IPO8: variants seen among roughly 807,000 people sequenced by gnomAD.
IPO8 encodes importin 8, also known as importin-8.
A neutral mutation model predicts 141.2 loss-of-function variants in IPO8; 65 were observed. The observed-to-expected ratio is 0.46, with a 90% CI of 0.38 to 0.57. The LOEUF (loss-of-function observed/expected upper bound fraction) is 0.57, where lower values mean the gene tolerates loss of function less well. IPO8 is among the 20% of genes least tolerant of loss of function. The probability of loss-of-function intolerance (pLI) is 0.00; values close to 1 mark genes in which losing one functional copy is unlikely to be tolerated. For missense variants in IPO8, 980 were observed against 1,246.8 expected (o/e 0.79, Z 3.22); for synonymous variants, 411 against 420.3 (o/e 0.98, Z 0.27).
intron 5 of IPO8, among the ~76,000 whole-genome samples, chr12:30,679,592 A>T (rs1046553093): frequency 6.6e-6 from 1 of 152,264 alleles, no homozygotes; most frequent in South Asian, 2.1e-4. Flanking sequence ...GGGGGAAAAA[A>T]AAAAATATCT....
At chr12:30,633,898 G>A (rs563115901) in intron 23 of IPO8, among the ~76,000 whole-genome samples, 185 bp downstream of exon 23, 1 of 152,206 alleles carries the variant, frequency 6.6e-6, no homozygotes, top group African/African-American at 2.4e-5. Context: ...TTGGGTGATA[G>A]GTGTTTCATT....
In IPO8 at chr12:30,665,798, C is replaced by T. The variant is rs137868610; in HGVS notation, c.1269G>A (p.Pro423=). The change falls in exon 12 of 25, where the codon CCG becomes CCA. Residue 423 remains proline, a synonymous_variant. Transcript: ENST00000256079. ...CATCTTTCTTCCTAGGGTCAAAGTTCGGGTCTGTCAGGATTTGATAACAGA... is the reference window on the plus strand; with the variant it reads ...CATCTTTCTTCCTAGGGTCAAAGTTTGGGTCTGTCAGGATTTGATAACAGA... ...MAFCYQILTD[P]NFDPRKKDGA... 5.9e-5 allele frequency: 95 copies of T among 1,613,712 alleles called. No homozygotes were observed. The African/African-American group carries it at 1.2e-3, about 20-fold the overall frequency.
intron 16 of IPO8, among the ~76,000 whole-genome samples, chr12:30,658,951 G>C (rs1321608147): frequency 6.8e-6 from 1 of 146,268 alleles, no homozygotes; most frequent in East Asian, 2.0e-4. Flanking sequence ...CATGATCTCG[G>C]CTCATTGCGA....
At chr12:30,642,901 T>C (rs898443617) in intron 20 of IPO8, among the ~76,000 whole-genome samples, 2 of 152,078 alleles carry the variant, frequency 1.3e-5, no homozygotes, top group African/African-American at 4.8e-5. Flanking sequence ...AAACTATGTA[T>C]ACTTAAAATA....
At chr12:30,690,466 A>G (rs757811086) in intron 2 of IPO8, 30 bp downstream of exon 2, 1 of 1,247,602 alleles carries the variant, frequency 8.0e-7, no homozygotes. Context: ...ACCTATAAAT[A>G]AATTTATAAA....
chr12:30,693,637 TCATAAG>T (rs2053311403), intron 1 of IPO8, among the ~76,000 whole-genome samples: 1 of 152,252 alleles, frequency 6.6e-6, no homozygotes, highest in African/African-American at 2.4e-5. Flanking sequence ...AAACCCATCA[TCATAAG>T]CATGTTTTAC....
chr12:30,631,336 A>T (rs1383926251), intron 24 of IPO8, among the ~76,000 whole-genome samples: 1 of 152,212 alleles, frequency 6.6e-6, no homozygotes, highest in Non-Finnish European at 1.5e-5. Flanking sequence ...CTAGATGTCT[A>T]GTTTGCCATG....
At chr12:30,683,704 C>T (rs1013705737) in intron 3 of IPO8, among the ~76,000 whole-genome samples, 3 of 152,152 alleles carry the variant, frequency 2.0e-5, no homozygotes, top group Admixed American at 2.0e-4. Flanking sequence ...GTCATTGATG[C>T]CTTGTGGCTA....
chr12:30,654,039 A>C (rs2052763148), intron 17 of IPO8, among the ~76,000 whole-genome samples: 1 of 152,102 alleles, frequency 6.6e-6, no homozygotes, highest in Admixed American at 6.6e-5. Context: ...AAAGCCCAAA[A>C]GTAAATCTAC....
chr12:30,683,227 T>C (rs925057934), intron 3 of IPO8, among the ~76,000 whole-genome samples: 6 of 152,222 alleles, frequency 3.9e-5, no homozygotes, highest in Non-Finnish European at 5.9e-5. Context: ...ATCAGTCCCA[T>C]GACTGGCATT....
At chr12:30,663,382 C>A in intron 14 of IPO8, 107 bp downstream of exon 14, 3 of 933,668 alleles carry the variant, frequency 3.2e-6, no homozygotes, top group Non-Finnish European at 4.7e-6. Context: ...AGGGCAAAAC[C>A]TCAGAATTCC....
rs182716814 is a variant in IPO8, at chr12:30,685,098, C to T, written c.167-641G>A. ...AAGGCTTCTGAAAGAAACAGGCTGA[C>T]ATATTGCTACAGCATTTTAAGAAAG... On this transcript the variant is annotated intron_variant, in intron 2 of 24. Coordinates refer to ENST00000256079, the MANE Select transcript of IPO8 (RefSeq NM_006390.4). Among the ~76,000 whole-genome samples, 3 of 151,614 alleles carry T rather than the reference C, an allele frequency of 2.0e-5. No individual in the cohort carries two copies. In the East Asian group the frequency reaches 5.8e-4, roughly 29 times the overall value.
intron 21 of IPO8, among the ~76,000 whole-genome samples, chr12:30,639,038 G>A (rs2052542240): frequency 6.6e-6 from 1 of 152,242 alleles, no homozygotes; most frequent in South Asian, 2.1e-4. Context: ...TACTGGGGCA[G>A]CACCTGGGCT....
intron 8 of IPO8, 46 bp downstream of exon 8, chr12:30,673,944 T>C: frequency 8.5e-7 from 1 of 1,180,196 alleles, no homozygotes; most frequent in Non-Finnish European, 1.2e-6. Context: ...ATGCCTTTAC[T>C]TTCAGTAGTA....
rs1366801840 is a variant in IPO8 at position 30,634,211 on chromosome 12, T to C, written c.2771A>G (p.Asp924Gly). 4.3e-6 allele frequency: 7 copies of C among 1,613,868 alleles called. No homozygotes were observed. Among genetic ancestry groups the C allele is most frequent in the South Asian group, 2.2e-5 (2 of 91,074 alleles). The change falls in exon 23 of 25, where the codon GAT (aspartate) becomes GGT (glycine). Residue 924 changes from aspartate (D) to glycine (G), a missense_variant. Transcript: ENST00000256079. ...CCAGTCATCATCTTCCTCCTCCTCATCTTCACCTCTTCCATTATTTGACTG... is the reference window on the plus strand; with the variant it reads ...CCAGTCATCATCTTCCTCCTCCTCACCTTCACCTCTTCCATTATTTGACTG... The part of the protein sequence containing the change: ...AMQSNNGRGE[D>G]EEEEDDDWDE...
At chr12:30,644,782 A>G in intron 20 of IPO8, among the ~76,000 whole-genome samples, 1 of 151,390 alleles carries the variant, frequency 6.6e-6, no homozygotes, top group Admixed American at 6.6e-5. Context: ...CCTCCCAAGT[A>G]GCTGGGATTA....
At chr12:30,636,662 A>G (rs1259197180) in intron 22 of IPO8, among the ~76,000 whole-genome samples, 1 of 152,192 alleles carries the variant, frequency 6.6e-6, no homozygotes, top group Admixed American at 6.5e-5. Context: ...AGCACAAACA[A>G]GAAAGTTAGA....
chr12:30,634,199 T>C lies in IPO8; in HGVS notation c.2783A>G (p.Glu928Gly). The change falls in exon 23 of 25, where the codon GAA becomes GGA. Residue 928 changes from glutamate (E) to glycine (G), a missense_variant. Physicochemically the swap from Glu to Gly is moderately conservative, Grantham distance 98 (BLOSUM62 -2). Coordinates refer to ENST00000256079, the MANE Select transcript of IPO8 (RefSeq NM_006390.4). ...NNGRGEDEEE[E>G]DDDWDEEVLE... ...TACTTCTTCATCCCAGTCATCATCT[T>C]CCTCCTCCTCATCTTCACCTCTTCC... 1.9e-6 allele frequency: 3 copies of C among 1,613,336 alleles called. No homozygotes were observed. The highest frequency in any genetic ancestry group is 2.5e-6 in the Non-Finnish European group (3 of 1,179,348).
intron 20 of IPO8, among the ~76,000 whole-genome samples, chr12:30,643,699 A>G (rs1373893542): frequency 6.6e-6 from 1 of 152,214 alleles, no homozygotes; most frequent in African/African-American, 2.4e-5. Flanking sequence ...TTCCCATGAG[A>G]GTAGGTTGTT....
Sources: gnomAD v4.1 joint callset for allele counts (sites outside exome capture counted in the v4.1 genomes callset) on GRCh38, gnomAD v4.1.1 for gene constraint, MANE v1.5 for transcripts, NCBI Gene and HGNC (gene_info 2026-07-23, HGNC 2026-07-21) for gene names.